Variants in CEP44 observed in about 807,000 individuals in gnomAD.
The protein encoded by CEP44 is centrosomal protein of 44 kDa.
In CEP44, 45 loss-of-function variants were observed where a neutral mutation model predicts 46.7. That is an observed-to-expected ratio of 0.96 (90% confidence interval 0.76 to 1.24). CEP44 has a LOEUF of 1.24. CEP44 is among the 50% of genes most tolerant of loss of function. CEP44 has a pLI of 0.00. For synonymous variants in CEP44, 142 were observed against 146.0 expected, an observed-to-expected ratio of 0.97 and a Z score of 0.20; for missense variants, 475 against 459.7, an observed-to-expected ratio of 1.03 and a Z score of -0.30.
chr4:174,313,381 G>GAAA (rs536148825), intron 9 of CEP44, among the ~76,000 whole-genome samples: 1 of 131,288 alleles, frequency 7.6e-6, no homozygotes, highest in African/African-American at 2.7e-5. Context: ...TCCCTCAGAG[G>GAAA]AAAAAAAAAA....
At chr4:174,304,030 A>G (rs1249422632) in intron 5 of CEP44, among the ~76,000 whole-genome samples, 181 bp downstream of exon 5, 1 of 152,172 alleles carries the variant, frequency 6.6e-6, no homozygotes, top group Non-Finnish European at 1.5e-5. Flanking sequence ...CTCTTGTTTT[A>G]TACACCTGTG....
Position 174,288,032 on chromosome 4 carries a change from A to G in CEP44, c.-148+4089A>G, listed in dbSNP as rs1472514471. ...TTAAGTAGATAACACACTCAGAAGG[A>G]GAAAATTTGGGGTGCTTTATATACA... On this transcript the variant is annotated intron_variant, in intron 1 of 11. Transcript: ENST00000503780. This position sits in a 1 kb window ranked among gnomAD's most constrained non-coding sequence, Gnocchi z 4.6. Among the ~76,000 whole-genome samples, 1 of 152,208 alleles carries G rather than the reference A, an allele frequency of 6.6e-6. No homozygotes were observed. Among genetic ancestry groups the G allele is most frequent in the Non-Finnish European group, 1.5e-5 (1 of 68,028 alleles).
chr4:174,294,463 A>T (rs1738613164), intron 1 of CEP44, among the ~76,000 whole-genome samples: 1 of 151,534 alleles, frequency 6.6e-6, no homozygotes, highest in Admixed American at 6.6e-5. Flanking sequence ...AGACATGGCA[A>T]CCATCCGATT....
chr4:174,298,299 C>T (rs1739304996), intron 2 of CEP44, among the ~76,000 whole-genome samples: 1 of 149,944 alleles, frequency 6.7e-6, no homozygotes, highest in Non-Finnish European at 1.5e-5. Flanking sequence ...CCTCAGCCTC[C>T]CAAGTAGCTG....
chr4:174,302,968 G>A (rs1490763658), intron 4 of CEP44, among the ~76,000 whole-genome samples: 1 of 151,972 alleles, frequency 6.6e-6, no homozygotes, highest in Non-Finnish European at 1.5e-5. Flanking sequence ...TATTTTAGTA[G>A]AGAGGGTTTC....
chr4:174,293,859 G>C (rs185647470), intron 1 of CEP44, among the ~76,000 whole-genome samples: 5 of 152,046 alleles, frequency 3.3e-5, no homozygotes, highest in Admixed American at 6.6e-5. Flanking sequence ...GGACATCCTC[G>C]TGTTATTCCC....
intron 8 of CEP44, among the ~76,000 whole-genome samples, chr4:174,327,386 T>C (rs1742749408): frequency 6.6e-6 from 1 of 151,940 alleles, no homozygotes; most frequent in South Asian, 2.1e-4. Context: ...CTTACCCAGA[T>C]TATAATTTTA....
downstream of CEP44, among the ~76,000 whole-genome samples, chr4:174,324,026 G>A (rs757185712): frequency 6.6e-6 from 1 of 152,172 alleles, no homozygotes; most frequent in Non-Finnish European, 1.5e-5. Context: ...CTACAAACAA[G>A]GCAAGTTAAG....
In CEP44 at chr4:174,318,728, C is replaced by A; in HGVS notation, c.*1345C>A. The A allele has an allele frequency of 1.3e-6, 1 of 774,818 alleles. No homozygotes were observed. The highest frequency in any genetic ancestry group is 1.6e-6 in the Non-Finnish European group (1 of 639,366). 48.0% of individuals were successfully genotyped at this position (774,818 alleles called of 1,614,324 possible). A position where few individuals can be genotyped will look rare whatever the true frequency, so the allele number is the denominator to read the frequency against. ...AAAATATTGTTATATGAGTAGAAAT[C>A]ACTTAAATTTTTTTTGTGTTTGTGA... On this transcript the variant is annotated 3_prime_UTR_variant, in exon 12 of 12. Coordinates refer to ENST00000503780, the MANE Select transcript of CEP44 (RefSeq NM_001040157.3).
At chr4:174,332,321 C>T (rs766617539) in exon 9 of CEP44, 1 of 152,174 alleles carries the variant, frequency 6.6e-6, no homozygotes, top group East Asian at 1.9e-4. Context: ...TGATTACATA[C>T]ACAGTGGCAA....
rs1158605156 is a variant in CEP44, at chr4:174,318,878, C to T, written c.*1495C>T. ...AGGCTGGAGTGCACTGGCGTGATCTCGGCTCACTGCACCTTCTGCCTACCG... is the reference window on the plus strand; with the variant it reads ...AGGCTGGAGTGCACTGGCGTGATCTTGGCTCACTGCACCTTCTGCCTACCG... On this transcript the variant is annotated 3_prime_UTR_variant, in exon 12 of 12. Transcript: ENST00000503780. The T allele has an allele frequency of 1.5e-5, 5 of 333,362 alleles. No individual in the cohort carries two copies. The highest frequency in any genetic ancestry group is 1.7e-4 in the East Asian group (1 of 5,902). 20.7% of individuals were successfully genotyped at this position (333,362 alleles called of 1,614,324 possible). A position where few individuals can be genotyped will look rare whatever the true frequency, so the allele number is the denominator to read the frequency against.
chr4:174,316,424 AGTACTTAATGCAATGTTTCAAACT>A, intron 10 of CEP44, 82 bp from the exon 11 acceptor site: 12 of 1,341,320 alleles, frequency 8.9e-6, no homozygotes, highest in Non-Finnish European at 1.3e-5. Flanking sequence ...ATAAGTAAAC[AGTACTTAATGCAATGTTTCAAACT>A]GTGTTTTGTA....
intron 3 of CEP44, among the ~76,000 whole-genome samples, chr4:174,299,804 C>T (rs971148779): frequency 3.3e-5 from 5 of 152,148 alleles, no homozygotes; most frequent in African/African-American, 9.7e-5. Flanking sequence ...ACTATGACAA[C>T]GTTTTTAGAA....
At chr4:174,308,901 A>C (rs1343454218) in intron 7 of CEP44, 42 bp downstream of exon 7, 3 of 1,536,444 alleles carry the variant, frequency 2.0e-6, no homozygotes, top group Non-Finnish European at 2.7e-6. Context: ...AGTATTTTTT[A>C]CTTAAATATG....
rs1739674783 is a variant in CEP44, at chr4:174,301,282, G to T, written c.90-757G>T. 1.3e-5 allele frequency among the ~76,000 whole-genome samples: 2 copies of T among 152,092 alleles called. No homozygotes were observed. Among genetic ancestry groups the T allele is most frequent in the Admixed American group, 1.3e-4 (2 of 15,270 alleles). On this transcript the variant is annotated intron_variant, in intron 3 of 11. Transcript: ENST00000503780. The surrounding 1 kb of genome is among the most constrained non-coding windows in gnomAD (Gnocchi z 4.3). ...CTTTGTTGTGGGAAAATCAGTGAAG[G>T]TACTTCACATTGAGAAAATAAGACA... is the stretch of plus-strand genomic sequence containing the variant.
Position 174,286,135 on chromosome 4 carries a change from GT to G in CEP44, c.-148+2194del, listed in dbSNP as rs1737560762. On this transcript the variant is annotated intron_variant, in intron 1 of 11. Transcript: ENST00000503780. The surrounding 1 kb of genome is among the most constrained non-coding windows in gnomAD (Gnocchi z 5.2). ...TATTCAATAAGCTGTTGCCTACCATGTTGATAAAGGAGACTAGGAACAGAAA... is the reference window on the plus strand; with the variant it reads ...TATTCAATAAGCTGTTGCCTACCATGTGATAAAGGAGACTAGGAACAGAAA... Among the ~76,000 whole-genome samples the G allele has an allele frequency of 6.6e-6, 1 of 152,192 alleles. No homozygotes were observed. The highest frequency in any genetic ancestry group is 1.5e-5 in the Non-Finnish European group (1 of 68,036).
At chr4:174,303,604 C>T in intron 4 of CEP44, 99 bp from the exon 5 acceptor site, 1 of 663,172 alleles carries the variant, frequency 1.5e-6, no homozygotes, top group Non-Finnish European at 2.5e-6. Context: ...CTTGTCCTCT[C>T]AAAGGTGGCC....
exon 9 of CEP44, chr4:174,333,324 A>G (rs1353670942): frequency 1.3e-5 from 2 of 148,722 alleles, no homozygotes; most frequent in Admixed American, 1.4e-4. Context: ...TGGATTTTCA[A>G]ATATGATGAT....
chr4:174,326,067 G>T lies in CEP44; in HGVS notation c.1087-5415G>T, dbSNP rs1422142484. Among the ~76,000 whole-genome samples the T allele has an allele frequency of 1.3e-5, 2 of 151,992 alleles. No individual in the cohort carries two copies. Among genetic ancestry groups the T allele is most frequent in the Admixed American group, 6.6e-5 (1 of 15,226 alleles). Reference sequence around the variant, plus strand: ...ATTATTTACATTTAACTTGATTATGGATATGGTTCAAATCTACCACCTTCT... The same window carrying T: ...ATTATTTACATTTAACTTGATTATGTATATGGTTCAAATCTACCACCTTCT... On this transcript the variant is annotated intron_variant, in intron 8 of 8. Transcript: ENST00000426172. This position sits in a 1 kb window ranked among gnomAD's most constrained non-coding sequence, Gnocchi z 4.8.
Sources: allele counts gnomAD v4.1 joint callset (sites outside exome capture counted in the v4.1 genomes callset), GRCh38; gene constraint gnomAD v4.1.1; non-coding constraint Gnocchi (gnomAD v3.1); transcripts MANE v1.5; gene names NCBI Gene and HGNC (gene_info 2026-07-23, HGNC 2026-07-21).